The following SLC6A9 variants were observed in gnomAD, a reference collection of about 807,000 sequenced individuals.
SLC6A9 encodes solute carrier family 6 member 9.
Under a neutral mutation model 70.9 loss-of-function variants are expected in SLC6A9, and 31 were observed. The observed-to-expected ratio is 0.44, with a 90% confidence interval of 0.33 to 0.59. SLC6A9 has a LOEUF of 0.59. Among genes scored for constraint, SLC6A9 ranks in the 20% least tolerant of loss-of-function variants. SLC6A9 has a pLI of 0.04. For missense variants in SLC6A9, 631 were observed against 845.2 expected (o/e 0.75, Z 3.14); for synonymous variants, 310 against 341.3 (o/e 0.91, Z 1.01).
chr1:44,017,717 T>C lies in SLC6A9; in HGVS notation c.30+6531A>G, dbSNP rs115527299. Among the ~76,000 whole-genome samples the C allele has an allele frequency of 2.5e-3, 376 of 152,300 alleles. 2 individuals are homozygous for C. Among genetic ancestry groups the C allele is most frequent in the African/African-American group, 8.9e-3 (369 of 41,568 alleles). ...GGGGACTCCCAAACTGCCAGGGTGA[T>C]GGGGCGTCTTCCTAGGAGAATGCAA... On this transcript the variant is annotated intron_variant, in intron 2 of 13. Coordinates refer to ENST00000372310, the MANE Select transcript of SLC6A9 (RefSeq NM_001024845.3).
intron 2 of SLC6A9, among the ~76,000 whole-genome samples, chr1:44,019,208 G>A (rs1010958355): frequency 2.6e-5 from 4 of 152,320 alleles, no homozygotes; most frequent in Admixed American, 6.5e-5. Context: ...TACATGGGAC[G>A]CTTGCTTCAC....
chr1:44,002,773 C>T lies in SLC6A9; in HGVS notation c.723+80G>A. On this transcript the variant is annotated intron_variant, in intron 6 of 13. Transcript: ENST00000372310. The surrounding 1 kb of genome is among the most constrained non-coding windows in gnomAD (Gnocchi z 5.5). ...CTCCGGAGTCCCTTCAGCATCCCCTCCCTGCAATACACACATAACCCAGGT... is the reference window on the plus strand; with the variant it reads ...CTCCGGAGTCCCTTCAGCATCCCCTTCCTGCAATACACACATAACCCAGGT... 4.4e-6 allele frequency: 7 copies of T among 1,593,040 alleles called. No homozygotes were observed. The South Asian group carries it at 6.7e-5, about 15-fold the overall frequency.
Position 44,002,171 on chromosome 1 carries a change from C to T in SLC6A9, c.962+142G>A, listed in dbSNP as rs553079253. 61 of 660,450 alleles carry T rather than the reference C, an allele frequency of 9.2e-5. No homozygotes were observed. In the African/African-American group the frequency reaches 9.5e-4, roughly 10 times the overall value. The allele number at this position is 660,450 out of a possible 1,614,324, so 40.9% of individuals were successfully genotyped here. A position where few individuals can be genotyped will look rare whatever the true frequency, so the allele number is the denominator to read the frequency against. ...AACCTCTCTCCTCATTCTCCAACAACTTTATCCAGAACCAGTATTCCCAGA... is the reference window on the plus strand; with the variant it reads ...AACCTCTCTCCTCATTCTCCAACAATTTTATCCAGAACCAGTATTCCCAGA... On this transcript the variant is annotated intron_variant, in intron 8 of 13. Transcript: ENST00000372310. The surrounding 1 kb of genome is among the most constrained non-coding windows in gnomAD (Gnocchi z 5.5).
Position 44,002,871 on chromosome 1 carries a change from C to G in SLC6A9, c.705G>C (p.Gly235=), listed in dbSNP as rs72890664. ...WLVVFLCLIR[G]VKSSGKVVYF... ...TACTTGCTTTCCCTGAAGACTTGAC[C>G]CCTCGGATGAGGCAGAGGAAGACGA... is the stretch of plus-strand genomic sequence containing the variant. Residue 235 remains glycine (G), a synonymous_variant, in exon 6 of 14, where the codon GGG becomes GGC. Transcript: ENST00000372310. The surrounding 1 kb of genome is among the most constrained non-coding windows in gnomAD (Gnocchi z 5.5). 9.1e-4 allele frequency: 1,462 copies of G among 1,614,066 alleles called. 16 individuals are homozygous for G. In the African/African-American group the frequency reaches 0.017, roughly 19 times the overall value.
At position 44,000,758 on chromosome 1, in the gene SLC6A9, G is replaced by T. The variant is rs780348462; in HGVS notation, c.1536+9C>A. 3.2e-6 allele frequency: 5 copies of T among 1,577,414 alleles called. No homozygotes were observed. The East Asian group carries it at 9.0e-5, about 28-fold the overall frequency. Reference sequence around the variant, plus strand: ...GCGGGGGAAGGGAGGGGCCGGCCAGGGAACTCACGAAGATGATGGCGGGAG... The same window carrying T: ...GCGGGGGAAGGGAGGGGCCGGCCAGTGAACTCACGAAGATGATGGCGGGAG... On this transcript the variant is annotated intron_variant, in intron 12 of 13. Transcript: ENST00000372310.
At chr1:44,010,264 CT>C in intron 3 of SLC6A9, 168 bp from the exon 4 acceptor site, 1 of 625,138 alleles carries the variant, frequency 1.6e-6, no homozygotes, top group Non-Finnish European at 2.8e-6. Flanking sequence ...CCCAGCCTGT[CT>C]TTCAACTTGA....
In SLC6A9 at chr1:43,997,313, A is replaced by C. The variant is rs201016250; in HGVS notation, c.*232T>G. The stretch of plus-strand genomic sequence containing the variant: ...CCCTCCAAAGTGCTTTGGACCTCCC[A>C]GCAACCCTCCACTCCCACCCCTCCC... On this transcript the variant is annotated 3_prime_UTR_variant, in exon 14 of 14. Coordinates refer to ENST00000372310, the MANE Select transcript of SLC6A9 (RefSeq NM_001024845.3). This position sits in a 1 kb window ranked among gnomAD's most constrained non-coding sequence, Gnocchi z 4.4. 1.3e-5 allele frequency: 7 copies of C among 555,856 alleles called. No individual in the cohort carries two copies. The highest frequency in any genetic ancestry group is 2.2e-5 in the Non-Finnish European group (7 of 315,292). The allele number at this position is 555,856 out of a possible 1,614,324, so 34.4% of individuals were successfully genotyped here.
intron 2 of SLC6A9, among the ~76,000 whole-genome samples, chr1:44,023,205 G>A (rs2086919193): frequency 6.6e-6 from 1 of 152,188 alleles, no homozygotes; most frequent in Non-Finnish European, 1.5e-5. Flanking sequence ...ACCCCCGGCA[G>A]CCGTCCAGTC....
intron 1 of SLC6A9, among the ~76,000 whole-genome samples, chr1:44,026,396 C>T (rs1263078149): frequency 6.6e-6 from 1 of 152,138 alleles, no homozygotes; most frequent in Non-Finnish European, 1.5e-5. Flanking sequence ...CAGTGGCTCA[C>T]GGCTGTAATC....
rs58091411 is a variant in SLC6A9 at position 44,018,638 on chromosome 1, A to ATAATAC, written c.30+5609_30+5610insGTATTA. ...AATAATAATAATAATAATAATAATA[A>ATAATAC]ATAAAAATAAAAAGACAGGTGGGGC... On this transcript the variant is annotated intron_variant, in intron 2 of 13. Transcript: ENST00000372310. This position sits in a 1 kb window ranked among gnomAD's most constrained non-coding sequence, Gnocchi z 4.2. Among the ~76,000 whole-genome samples, 1 of 148,232 alleles carries ATAATAC rather than the reference A, an allele frequency of 6.7e-6. No individual in the cohort carries two copies. Among genetic ancestry groups the ATAATAC allele is most frequent in the Non-Finnish European group, 1.5e-5 (1 of 67,326 alleles).
At chr1:44,023,924 G>C (rs2086933632) in intron 2 of SLC6A9, among the ~76,000 whole-genome samples, 1 of 152,248 alleles carries the variant, frequency 6.6e-6, no homozygotes, top group Admixed American at 6.5e-5. Flanking sequence ...CCCTTGATCA[G>C]CACAGACTGA....
Position 44,008,963 on chromosome 1 carries a change from G to A in SLC6A9, c.320-340C>T, listed in dbSNP as rs1419755874. 1.9e-4 allele frequency among the ~76,000 whole-genome samples: 29 copies of A among 149,370 alleles called. 1 individual carries two copies. The East Asian group carries it at 4.7e-3, about 24-fold the overall frequency. On this transcript the variant is annotated intron_variant, in intron 4 of 13. Coordinates refer to ENST00000372310, the MANE Select transcript of SLC6A9 (RefSeq NM_001024845.3). ...TCTTGATCTCCTGACCTCGTGATCC[G>A]CCTGCCTCGGCCTCCCGAAGTGCTG...
intron 2 of SLC6A9, among the ~76,000 whole-genome samples, chr1:44,012,335 T>C (rs2486000): frequency 0.87 from 131,892 of 152,274 alleles, 57,427 homozygotes; most frequent in African/African-American, 0.93. Flanking sequence ...CAAGGCCTGA[T>C]GGGTGGGCAC....
chr1:44,006,712 T>TG (rs528593876), intron 5 of SLC6A9, among the ~76,000 whole-genome samples: 2 of 152,156 alleles, frequency 1.3e-5, no homozygotes, highest in South Asian at 4.1e-4. Flanking sequence ...ATGACCTGTC[T>TG]GGTAACTGAG....
intron 2 of SLC6A9, among the ~76,000 whole-genome samples, chr1:44,019,722 C>G (rs2086845236): frequency 6.6e-6 from 1 of 152,268 alleles, no homozygotes; most frequent in African/African-American, 2.4e-5. Flanking sequence ...TCCAGCTGCT[C>G]TAGCCCCACT....
In SLC6A9 at chr1:44,024,359, A is replaced by C; in HGVS notation, c.-82T>G. The C allele has an allele frequency of 6.6e-7, 1 of 1,525,474 alleles. No individual in the cohort carries two copies. Among genetic ancestry groups the C allele is most frequent in the Non-Finnish European group, 9.1e-7 (1 of 1,099,482 alleles). 94.5% of individuals were successfully genotyped at this position (1,525,474 alleles called of 1,614,324 possible). On this transcript the variant is annotated 5_prime_UTR_variant, in exon 2 of 14. Coordinates refer to ENST00000372310, the MANE Select transcript of SLC6A9 (RefSeq NM_001024845.3). ...AGCGCCTTTCAGGCCACAGATCTCA[A>C]GAGCTGTGGAGAGAGCAGAGGGTGA... is the stretch of plus-strand genomic sequence containing the variant.
intron 5 of SLC6A9, among the ~76,000 whole-genome samples, chr1:44,005,535 T>C (rs944688260): frequency 8.5e-5 from 13 of 152,200 alleles, no homozygotes; most frequent in African/African-American, 1.2e-4. Flanking sequence ...CAAAGGGTCA[T>C]TGGAGAGTGT....
At position 43,997,929 on chromosome 1, in the gene SLC6A9, G is replaced by C. The variant is rs1261227214; in HGVS notation, c.1633C>G (p.Leu545Val). ...AGGGGGATGCAGAGGACGGAGGACA[G>C]AGCCATGAGGAAGCCAATGGCCACG... ...WAVAIGFLMALSSVLCIPLYA... is the reference protein window; with the variant it reads ...WAVAIGFLMAVSSVLCIPLYA... The change falls in exon 13 of 14, where the codon CTG becomes GTG. Residue 545 changes from leucine (L) to valine (V), a missense_variant. Transcript: ENST00000372310. This position sits in a 1 kb window ranked among gnomAD's most constrained non-coding sequence, Gnocchi z 4.4. 6.2e-7 allele frequency: 1 copy of C among 1,614,188 alleles called. No homozygotes were observed. Among genetic ancestry groups the C allele is most frequent in the Non-Finnish European group, 8.5e-7 (1 of 1,180,014 alleles).
intron 1 of SLC6A9, among the ~76,000 whole-genome samples, chr1:44,026,991 C>T (rs973603077): frequency 6.6e-5 from 10 of 152,316 alleles, no homozygotes; most frequent in Non-Finnish European, 1.2e-4. Context: ...ATGGCGGCTT[C>T]CAGGAGAATG....
Sources: gnomAD v4.1 joint callset for allele counts (sites outside exome capture counted in the v4.1 genomes callset) on GRCh38, gnomAD v4.1.1 for gene constraint, Gnocchi (gnomAD v3.1) non-coding constraint, MANE v1.5 for transcripts, NCBI Gene and HGNC (gene_info 2026-07-23, HGNC 2026-07-21) for gene names.